KIF27: variants seen among roughly 807,000 people sequenced by gnomAD.
KIF27 encodes the protein kinesin family member 27.
KIF27 carries 84 observed loss-of-function variants against 141.8 expected under a neutral mutation model. The ratio of observed to expected loss-of-function variants is 0.59; its 90% CI spans 0.50 to 0.71. The LOEUF (loss-of-function observed/expected upper bound fraction) is 0.71, where lower values mean the gene tolerates loss of function less well. Ranked by LOEUF, KIF27 falls within the 30% of genes least tolerant of loss-of-function variation. KIF27 has a pLI of 0.00. For synonymous variants in KIF27, 471 were observed against 569.5 expected, an observed-to-expected ratio of 0.83 and a Z score of 2.46; for missense variants, 1,306 against 1,628.4, an observed-to-expected ratio of 0.80 and a Z score of 3.41.
In KIF27 at chr9:83,900,898, AT is replaced by A. The variant is rs1165125039; in HGVS notation, c.1459-1095del. Among the ~76,000 whole-genome samples, 5 of 151,786 alleles carry A rather than the reference AT, an allele frequency of 3.3e-5. 1 individual carries two copies. The South Asian group carries it at 1.0e-3, about 32-fold the overall frequency. On this transcript the variant is annotated intron_variant, in intron 4 of 17. Coordinates refer to ENST00000297814, the MANE Select transcript of KIF27 (RefSeq NM_017576.4). ...TTATTACCTTTCAGAAAAAAAAAAA[AT>A]AAAGAACTAAAAAAAAGATTTAAAA...
intron 13 of KIF27, chr9:83,859,651 C>T: frequency 6.1e-6 from 2 of 330,382 alleles, no homozygotes; most frequent in Non-Finnish European, 1.1e-5. Context: ...CCTGCTTCAG[C>T]CTCCCTGGTT....
chr9:83,899,519 T>C (rs1953630048), intron 5 of KIF27, 142 bp downstream of exon 5: 1 of 551,372 alleles, frequency 1.8e-6, no homozygotes, highest in African/African-American at 1.8e-5. Context: ...GAAAAACTAA[T>C]AATTCTTTCA....
Position 83,903,882 on chromosome 9 carries a change from T to G in KIF27, c.636A>C (p.Thr212=), listed in dbSNP as rs1375331071. Residue 212 remains threonine (T), a synonymous_variant, in exon 4 of 18, where the codon ACA becomes ACC. Transcript: ENST00000297814. ...TTTTATGAACTTGACAAATGCTGAT[T>G]GTAAAAATTGCATGTGATCTGCTGG... ...EHSSRSHAIF[T]ISICQVHKNM... is the part of the protein sequence containing the mutation. 1.2e-6 allele frequency: 2 copies of G among 1,614,160 alleles called. No homozygotes were observed. The highest frequency in any genetic ancestry group is 2.2e-5 in the East Asian group (1 of 44,878).
intron 17 of KIF27, chr9:83,837,847 G>A (rs893540762): frequency 5.5e-5 from 10 of 183,204 alleles, no homozygotes; most frequent in Non-Finnish European, 1.1e-5. Context: ...ATGGCCAAGT[G>A]ATGCCAGCAC....
intron 9 of KIF27, among the ~76,000 whole-genome samples, chr9:83,885,949 G>T (rs111551539): frequency 2.0e-5 from 3 of 146,868 alleles, no homozygotes; most frequent in South Asian, 2.1e-4. Context: ...TTTTTGTGTT[G>T]TTTTTTTTTT....
At chr9:83,913,553 C>T (rs1438858024) in intron 2 of KIF27, among the ~76,000 whole-genome samples, 6 of 152,154 alleles carry the variant, frequency 3.9e-5, no homozygotes, top group African/African-American at 1.4e-4. Context: ...TTCTCTGCCT[C>T]AGCCTCCCAA....
In KIF27 at chr9:83,887,128, T is replaced by C. The variant is rs1404604246; in HGVS notation, c.2152A>G (p.Ile718Val). 1.9e-6 allele frequency: 3 copies of C among 1,604,106 alleles called. No individual in the cohort carries two copies. Among genetic ancestry groups the C allele is most frequent in the Admixed American group, 1.7e-5 (1 of 58,112 alleles). ...ATTTTTTGTTTAGCTTCAGTAAGTA[T>C]GCGTTCTGAATTCTTTAATTTTTGC... Reference protein sequence around the residue: ...NLQKLKNSERILTEAKQKMRE... With the variant: ...NLQKLKNSERVLTEAKQKMRE... Residue 718 changes from isoleucine to valine, a missense_variant, in exon 9 of 18, where the codon ATA (isoleucine) becomes GTA (valine). Ile to Val is a conservative substitution (Grantham distance 29). This residue lies in a region of KIF27 where 596 missense variants were observed against 751.6 expected (regional missense o/e 0.79). Transcript: ENST00000297814.
intron 1 of KIF27, among the ~76,000 whole-genome samples, chr9:83,920,806 T>A (rs1292310657): frequency 6.6e-6 from 1 of 152,078 alleles, no homozygotes. Flanking sequence ...CGGGCTTGAA[T>A]GTGCCCAAGG....
intron 5 of KIF27, 34 bp from the exon 6 acceptor site, chr9:83,891,535 G>C (rs1952681395): frequency 6.5e-7 from 1 of 1,547,020 alleles, no homozygotes; most frequent in Middle Eastern, 1.7e-4. Flanking sequence ...TTTTAATATA[G>C]AGCACTTCAG....
intron 16 of KIF27, among the ~76,000 whole-genome samples, chr9:83,846,485 C>T (rs1177017478): frequency 6.6e-6 from 1 of 152,150 alleles, no homozygotes; most frequent in Non-Finnish European, 1.5e-5. Context: ...CATCCTGAAG[C>T]AGCTAGATTG....
At chr9:83,916,577 A>G (rs1005185474) in intron 1 of KIF27, among the ~76,000 whole-genome samples, 8 of 152,234 alleles carry the variant, frequency 5.3e-5, no homozygotes, top group African/African-American at 1.9e-4. Context: ...TAGAATTAAT[A>G]CATTAAAATT....
intron 15 of KIF27, among the ~76,000 whole-genome samples, chr9:83,852,827 A>T (rs944119881): frequency 1.3e-5 from 2 of 152,038 alleles, no homozygotes; most frequent in African/African-American, 4.8e-5. Flanking sequence ...AAGGATCTCA[A>T]ATTCTGGGCT....
chr9:83,861,826 C>G lies in KIF27; in HGVS notation c.2935-2455G>C, dbSNP rs1392126869. On this transcript the variant is annotated intron_variant, in intron 13 of 17. Coordinates refer to ENST00000297814, the MANE Select transcript of KIF27 (RefSeq NM_017576.4). ...TAAAAGTGTTCCTATTTCTCCACAT[C>G]CTCTCCAGCACCTGTTGTTTCCTGA... 8.3e-4 allele frequency among the ~76,000 whole-genome samples: 126 copies of G among 151,254 alleles called. 1 individual carries two copies. The highest frequency in any genetic ancestry group is 1.2e-3 in the Non-Finnish European group (83 of 67,746).
intron 1 of KIF27, among the ~76,000 whole-genome samples, 196 bp downstream of exon 1, chr9:83,921,175 T>C (rs1041285812): frequency 3.4e-5 from 5 of 147,326 alleles, no homozygotes; most frequent in South Asian, 2.4e-4. Context: ...GACGCCCCCA[T>C]AGGCCTAGCT....
intron 8 of KIF27, among the ~76,000 whole-genome samples, chr9:83,887,820 A>G (rs1952249832): frequency 6.6e-6 from 1 of 151,690 alleles, no homozygotes; most frequent in Non-Finnish European, 1.5e-5. Flanking sequence ...TATTATTTCC[A>G]CATTTTGAAA....
intron 2 of KIF27, among the ~76,000 whole-genome samples, chr9:83,909,722 A>C (rs1165856899): frequency 1.3e-5 from 2 of 152,140 alleles, no homozygotes. Context: ...TATGGTAGAA[A>C]TGTATATTTT....
chr9:83,890,483 TC>T (rs1952571790), intron 6 of KIF27, among the ~76,000 whole-genome samples: 1 of 152,218 alleles, frequency 6.6e-6, no homozygotes, highest in African/African-American at 2.4e-5. Context: ...AATAATAAAA[TC>T]TTTGTTCAGA....
rs1351383023 is a variant in KIF27, at chr9:83,834,777, A to G, written c.*2224T>C. 6.6e-6 allele frequency among the ~76,000 whole-genome samples: 1 copy of G among 150,662 alleles called. No homozygotes were observed. Among genetic ancestry groups the G allele is most frequent in the Non-Finnish European group, 1.5e-5 (1 of 67,656 alleles). ...GGGCACTGACCTTTGGCCATTATAT[A>G]TATCTATATCTATGTATATATACAA... On this transcript the variant is annotated 3_prime_UTR_variant, in exon 18 of 18. Transcript: ENST00000297814.
At chr9:83,894,543 G>T (rs2132425419) in intron 5 of KIF27, among the ~76,000 whole-genome samples, 1 of 152,284 alleles carries the variant, frequency 6.6e-6, no homozygotes, top group African/African-American at 2.4e-5. Flanking sequence ...CTTGTAGTCT[G>T]GGACTTTGGT....
Sources: allele counts gnomAD v4.1 joint callset (sites outside exome capture counted in the v4.1 genomes callset), GRCh38; gene constraint gnomAD v4.1.1; regional missense constraint gnomAD v4.1.1; transcripts MANE v1.5; gene names NCBI Gene and HGNC (gene_info 2026-07-23, HGNC 2026-07-21).